The following DENND1B variants were observed in gnomAD, a reference collection of about 807,000 sequenced individuals.
The protein encoded by DENND1B is DENN domain-containing protein 1B.
A neutral mutation model predicts 90.1 loss-of-function variants in DENND1B; 59 were observed. The observed-to-expected ratio is 0.65, with a 90% CI of 0.53 to 0.81. The LOEUF (loss-of-function observed/expected upper bound fraction) is 0.81. Ranked by LOEUF, DENND1B falls within the 40% of genes least tolerant of loss-of-function variation. The pLI is 0.00. For synonymous variants in DENND1B, 337 were observed against 324.6 expected (o/e 1.04, Z -0.41); for missense variants, 862 against 912.6 (o/e 0.94, Z 0.71).
intron 2 of DENND1B, among the ~76,000 whole-genome samples, chr1:197,768,830 A>G (rs137887560): frequency 3.8e-4 from 58 of 151,970 alleles, no homozygotes; most frequent in African/African-American, 1.3e-3. Context: ...CTAACAAGCT[A>G]TTTTCCAGAA....
At chr1:197,629,601 C>A (rs371768951) in intron 10 of DENND1B, among the ~76,000 whole-genome samples, 2 of 151,184 alleles carry the variant, frequency 1.3e-5, no homozygotes, top group Non-Finnish European at 2.9e-5. Flanking sequence ...TGGGTGCAGC[C>A]CACCAGCATG....
At chr1:197,648,294 A>G (rs945294539) in intron 7 of DENND1B, among the ~76,000 whole-genome samples, 36 of 152,294 alleles carry the variant, frequency 2.4e-4, no homozygotes, top group African/African-American at 7.9e-4. Context: ...AAAAAGGATC[A>G]TCTAAAGAGA....
chr1:197,597,136 G>A lies in DENND1B; in HGVS notation c.922-1803C>T, dbSNP rs938093797. On this transcript the variant is annotated intron_variant, in intron 13 of 22. Transcript: ENST00000620048. The stretch of plus-strand genomic sequence containing the variant: ...CATAAATCAGGATTCATTTAAGAGG[G>A]ATTTTTATTATTAAAATCTAATCTC... Among the ~76,000 whole-genome samples, 18 of 151,656 alleles carry A rather than the reference G, an allele frequency of 1.2e-4. No individual in the cohort carries two copies. The East Asian group carries it at 3.5e-3, about 29-fold the overall frequency.
Position 197,760,985 on chromosome 1 carries a change from G to A in DENND1B, c.82+11883C>T, listed in dbSNP as rs560282276. On this transcript the variant is annotated intron_variant, in intron 2 of 22. Transcript: ENST00000620048. ...GAAGCTAGTATTTTTGTACGTAACA[G>A]TTCTTAGCTTATTATTTCTTCTCTA... 2.8e-4 allele frequency among the ~76,000 whole-genome samples: 42 copies of A among 152,258 alleles called. 1 individual carries two copies. Among genetic ancestry groups the A allele is most frequent in the Admixed American group, 1.8e-3 (28 of 15,298 alleles).
intron 13 of DENND1B, among the ~76,000 whole-genome samples, chr1:197,604,851 G>A (rs1266908202): frequency 6.6e-6 from 1 of 150,944 alleles, no homozygotes; most frequent in Non-Finnish European, 1.5e-5. Flanking sequence ...ATGATGTGAT[G>A]CTTCATCCTA....
intron 20 of DENND1B, among the ~76,000 whole-genome samples, chr1:197,526,895 T>C (rs1669173732): frequency 6.6e-6 from 1 of 152,198 alleles, no homozygotes; most frequent in Admixed American, 6.5e-5. Context: ...GACACACTAT[T>C]CTGAAAGGCG....
rs570811822 is a variant in DENND1B, at chr1:197,706,982, C to A, written c.126+8049G>T. 5.9e-5 allele frequency among the ~76,000 whole-genome samples: 9 copies of A among 152,092 alleles called. No individual in the cohort carries two copies. The East Asian group carries it at 1.7e-3, about 29-fold the overall frequency. On this transcript the variant is annotated intron_variant, in intron 3 of 22. Coordinates refer to ENST00000620048, the MANE Select transcript of DENND1B (RefSeq NM_001195215.2). ...CCAAAGAGATACATGTTTATTGCAACACAAGAGCCAAGATATGGAATCAAC... is the reference window on the plus strand; with the variant it reads ...CCAAAGAGATACATGTTTATTGCAAAACAAGAGCCAAGATATGGAATCAAC...
At chr1:197,762,418 C>A (rs1649290089) in intron 2 of DENND1B, among the ~76,000 whole-genome samples, 1 of 152,024 alleles carries the variant, frequency 6.6e-6, no homozygotes, top group South Asian at 2.1e-4. Context: ...AGGTGCCCGC[C>A]ACCAAGCTTT....
chr1:197,686,354 C>T (rs2126008893), intron 3 of DENND1B, among the ~76,000 whole-genome samples: 1 of 152,040 alleles, frequency 6.6e-6, no homozygotes, highest in Non-Finnish European at 1.5e-5. Flanking sequence ...TAGACTTAAC[C>T]TTAGATCAGC....
chr1:197,645,765 C>A, intron 8 of DENND1B, 22 bp from the exon 9 acceptor site: 1 of 1,499,128 alleles, frequency 6.7e-7, no homozygotes, highest in South Asian at 1.4e-5. Context: ...AAATAAATCA[C>A]ATATGAAAAA....
At chr1:197,715,334 T>C (rs1025411187) in intron 2 of DENND1B, among the ~76,000 whole-genome samples, 1 of 151,998 alleles carries the variant, frequency 6.6e-6, no homozygotes, top group African/African-American at 2.4e-5. Flanking sequence ...ATCATTACTG[T>C]ATTTCTTTTA....
At chr1:197,762,360 G>A (rs564862004) in intron 2 of DENND1B, among the ~76,000 whole-genome samples, 100 of 152,102 alleles carry the variant, frequency 6.6e-4, no homozygotes, top group Middle Eastern at 6.8e-3. Context: ...TCTGCCTCGC[G>A]GGTTCACGCC....
At chr1:197,635,023 G>GGAAT (rs1679655896) in intron 10 of DENND1B, among the ~76,000 whole-genome samples, 1 of 151,032 alleles carries the variant, frequency 6.6e-6, no homozygotes, top group Non-Finnish European at 1.5e-5. Context: ...AAGGAAGGAA[G>GGAAT]GAAGGAAGGA....
intron 15 of DENND1B, among the ~76,000 whole-genome samples, chr1:197,554,548 A>G (rs889167204): frequency 1.3e-5 from 2 of 152,044 alleles, no homozygotes; most frequent in African/African-American, 4.8e-5. Context: ...GCAATTTAAG[A>G]TAATTAATAG....
At chr1:197,599,550 C>T (rs1349733188) in intron 13 of DENND1B, among the ~76,000 whole-genome samples, 1 of 151,758 alleles carries the variant, frequency 6.6e-6, no homozygotes, top group African/African-American at 2.4e-5. Context: ...GTCAAATAAT[C>T]ATCTGTAGAA....
chr1:197,676,604 T>A (rs1350783694), intron 3 of DENND1B, among the ~76,000 whole-genome samples: 1 of 152,162 alleles, frequency 6.6e-6, no homozygotes, highest in African/African-American at 2.4e-5. Flanking sequence ...CTCTCCAAAA[T>A]ATTTTATTTT....
At chr1:197,734,104 T>C (rs1008440550) in intron 2 of DENND1B, 11 of 964,150 alleles carry the variant, frequency 1.1e-5, no homozygotes, top group African/African-American at 1.8e-5. Flanking sequence ...CCAATCAAAA[T>C]GCAGAAGTCA....
chr1:197,513,584 C>T (rs1395266888), intron 20 of DENND1B, among the ~76,000 whole-genome samples: 1 of 151,462 alleles, frequency 6.6e-6, no homozygotes, highest in African/African-American at 2.4e-5. Context: ...TATTGATTCA[C>T]CTGAAGTACT....
intron 2 of DENND1B, among the ~76,000 whole-genome samples, chr1:197,753,189 T>A (rs1653800637): frequency 6.6e-6 from 1 of 152,046 alleles, no homozygotes; most frequent in Admixed American, 6.5e-5. Context: ...ACAGATAAAA[T>A]TAAAGCCTTT....
Sources: gnomAD v4.1 joint callset for allele counts (sites outside exome capture counted in the v4.1 genomes callset) on GRCh38, gnomAD v4.1.1 for gene constraint, MANE v1.5 for transcripts, NCBI Gene and HGNC (gene_info 2026-07-23, HGNC 2026-07-21) for gene names.